The following QRFPR variants were observed in gnomAD, a reference collection of about 807,000 sequenced individuals.
The protein encoded by QRFPR is pyroglutamylated RFamide peptide receptor.
QRFPR carries 37 observed loss-of-function variants against 31.3 expected under a neutral mutation model. The observed-to-expected ratio is 1.18, with a 90% confidence interval of 0.91 to 1.56. QRFPR has a LOEUF of 1.56. Ranked by LOEUF, QRFPR falls within the 40% of genes most tolerant of loss-of-function variation. QRFPR has a pLI of 0.00. For synonymous variants in QRFPR, 197 were observed against 192.0 expected, an observed-to-expected ratio of 1.03 and a Z score of -0.22; for missense variants, 542 against 532.5, an observed-to-expected ratio of 1.02 and a Z score of -0.18.
intron 1 of QRFPR, among the ~76,000 whole-genome samples, chr4:121,349,332 G>C (rs1376128249): frequency 6.6e-6 from 1 of 151,816 alleles, no homozygotes; most frequent in Non-Finnish European, 1.5e-5. Context: ...AATAACTCCT[G>C]TTGATCAGAT....
intron 1 of QRFPR, among the ~76,000 whole-genome samples, chr4:121,374,985 G>A (rs1406482345): frequency 6.6e-6 from 1 of 152,012 alleles, no homozygotes; most frequent in Non-Finnish European, 1.5e-5. Context: ...TCCTCCCTCT[G>A]GCTGTGCCGG....
At chr4:121,374,279 CT>C (rs1229220620) in intron 1 of QRFPR, among the ~76,000 whole-genome samples, 1 of 152,148 alleles carries the variant, frequency 6.6e-6, no homozygotes, top group African/African-American at 2.4e-5. Flanking sequence ...ATATAATCTA[CT>C]TTTGCATTTT....
intron 3 of QRFPR, among the ~76,000 whole-genome samples, chr4:121,333,500 T>C (rs1376372956): frequency 1.3e-5 from 2 of 152,226 alleles, no homozygotes; most frequent in Admixed American, 6.5e-5. Flanking sequence ...CATCTTTCAA[T>C]TGAAAAGTAC....
intron 1 of QRFPR, among the ~76,000 whole-genome samples, chr4:121,359,728 T>G (rs1027165060): frequency 6.6e-6 from 1 of 151,644 alleles, no homozygotes; most frequent in Non-Finnish European, 1.5e-5. Flanking sequence ...TATATGTGTG[T>G]GTATATATAT....
At chr4:121,369,785 G>A (rs1409079698) in intron 1 of QRFPR, 2 of 1,570,320 alleles carry the variant, frequency 1.3e-6, no homozygotes, top group African/African-American at 2.7e-5. Flanking sequence ...CCAGCCCCTG[G>A]GTCTCTGCTT....
chr4:121,346,524 G>A (rs1725653657), intron 1 of QRFPR, among the ~76,000 whole-genome samples: 1 of 152,114 alleles, frequency 6.6e-6, no homozygotes, highest in Admixed American at 6.6e-5. Flanking sequence ...ATCTGCATAT[G>A]GTCACTTATT....
intron 1 of QRFPR, among the ~76,000 whole-genome samples, chr4:121,341,042 T>G (rs1360598973): frequency 6.6e-6 from 1 of 151,892 alleles, no homozygotes; most frequent in East Asian, 1.9e-4. Flanking sequence ...TATTTCTTCT[T>G]TTATCATTTA....
intron 1 of QRFPR, among the ~76,000 whole-genome samples, chr4:121,344,698 A>G (rs1049351597): frequency 6.6e-6 from 1 of 152,176 alleles, no homozygotes; most frequent in African/African-American, 2.4e-5. Flanking sequence ...GACGACTAAA[A>G]CAAAATAAAC....
At chr4:121,364,717 G>C (rs1219303908) in intron 1 of QRFPR, among the ~76,000 whole-genome samples, 2 of 149,784 alleles carry the variant, frequency 1.3e-5, no homozygotes, top group Non-Finnish European at 3.0e-5. Context: ...TTTTACGTTA[G>C]TGCTGGTCAC....
At chr4:121,331,702 G>A (rs932813065) in intron 4 of QRFPR, among the ~76,000 whole-genome samples, 1 of 150,948 alleles carries the variant, frequency 6.6e-6, no homozygotes, top group Non-Finnish European at 1.5e-5. Context: ...ACCCAGACTA[G>A]AGTGCAGTGG....
intron 1 of QRFPR, chr4:121,369,839 G>T: frequency 9.8e-7 from 1 of 1,016,844 alleles, no homozygotes; most frequent in African/African-American, 1.6e-5. Context: ...CAGGGCTGAT[G>T]CAGGTGGCCT....
At position 121,380,352 on chromosome 4, in the gene QRFPR, A is replaced by C. The variant is rs1370828014; in HGVS notation, c.296T>G (p.Ile99Ser). ...LSDLLITFFC[I>S]PVTMLQNISD... ...AATGTTCTGGAGCATGGTGACGGGA[A>C]TGCAGAAGAAGGTGATGAGCAGGTC... The change falls in exon 1 of 6, where the codon ATT (isoleucine) becomes AGT (serine). Residue 99 changes from isoleucine to serine, a missense_variant. Transcript: ENST00000394427. 1 of 1,614,146 alleles carries C rather than the reference A, an allele frequency of 6.2e-7. No individual in the cohort carries two copies. The highest frequency in any genetic ancestry group is 8.5e-7 in the Non-Finnish European group (1 of 1,180,022).
At position 121,328,917 on chromosome 4, in the gene QRFPR, G is replaced by A. The variant is rs796275354; in HGVS notation, c.*397C>T. On this transcript the variant is annotated 3_prime_UTR_variant, in exon 6 of 6. Coordinates refer to ENST00000394427, the MANE Select transcript of QRFPR (RefSeq NM_198179.3). ...ACTACAGGTGCCCGCCACCACGCCC[G>A]GCTAATTTTTGTATTTTTAGCAGAG... 3.9e-5 allele frequency among the ~76,000 whole-genome samples: 6 copies of A among 152,162 alleles called. No individual in the cohort carries two copies. Among genetic ancestry groups the A allele is most frequent in the South Asian group, 2.1e-4 (1 of 4,818 alleles).
intron 1 of QRFPR, among the ~76,000 whole-genome samples, chr4:121,346,891 T>G (rs544854220): frequency 5.6e-4 from 85 of 152,342 alleles, no homozygotes; most frequent in African/African-American, 2.0e-3. Context: ...CATCATGATG[T>G]ATAATCCTTT....
At chr4:121,333,368 A>G (rs1267067808) in intron 3 of QRFPR, among the ~76,000 whole-genome samples, 1 of 152,226 alleles carries the variant, frequency 6.6e-6, no homozygotes, top group African/African-American at 2.4e-5. Context: ...CAATCGACTG[A>G]AAGAGCACTA....
chr4:121,379,609 C>A (rs1288169109), intron 1 of QRFPR, among the ~76,000 whole-genome samples: 2 of 152,200 alleles, frequency 1.3e-5, no homozygotes, highest in Non-Finnish European at 2.9e-5. Context: ...TCCACCTCTC[C>A]TCTGTCATTT....
At chr4:121,345,188 T>A (rs564822521) in intron 1 of QRFPR, among the ~76,000 whole-genome samples, 1 of 152,204 alleles carries the variant, frequency 6.6e-6, no homozygotes, top group Non-Finnish European at 1.5e-5. Context: ...ATAGGTGAGA[T>A]CCTCTCTAGT....
intron 1 of QRFPR, among the ~76,000 whole-genome samples, chr4:121,350,693 A>G (rs879298452): frequency 1.3e-5 from 2 of 152,168 alleles, no homozygotes; most frequent in Admixed American, 1.3e-4. Context: ...AGGTAGCTTG[A>G]TACTTTTCCT....
chr4:121,370,923 TG>T (rs1378307029), intron 1 of QRFPR, among the ~76,000 whole-genome samples: 1 of 152,172 alleles, frequency 6.6e-6, no homozygotes, highest in Non-Finnish European at 1.5e-5. Context: ...CATCAACCAC[TG>T]GGGGGCAGCA....
Sources: gnomAD v4.1 joint callset for allele counts (sites outside exome capture counted in the v4.1 genomes callset) on GRCh38, gnomAD v4.1.1 for gene constraint, MANE v1.5 for transcripts, NCBI Gene and HGNC (gene_info 2026-07-23, HGNC 2026-07-21) for gene names.